Variants in RUFY3 observed in about 807,000 individuals in gnomAD.
RUFY3 encodes protein RUFY3.
In RUFY3, 34 loss-of-function variants were observed where a neutral mutation model predicts 84.0. That is an observed-to-expected ratio of 0.40 (90% CI 0.31 to 0.54). The LOEUF (loss-of-function observed/expected upper bound fraction) is 0.54. RUFY3 is among the 20% of genes least tolerant of loss of function. RUFY3 has a pLI of 0.39. For synonymous variants in RUFY3, 242 were observed against 252.9 expected (o/e 0.96, Z 0.41); for missense variants, 507 against 736.8 (o/e 0.69, Z 3.61).
intron 1 of RUFY3, among the ~76,000 whole-genome samples, chr4:70,758,278 A>C (rs1432892850): frequency 6.6e-6 from 1 of 152,188 alleles, no homozygotes; most frequent in Non-Finnish European, 1.5e-5. Flanking sequence ...AGTAATGTTG[A>C]ATAGAAAATA....
chr4:70,754,732 A>G (rs1177089994), intron 1 of RUFY3, among the ~76,000 whole-genome samples: 1 of 151,866 alleles, frequency 6.6e-6, no homozygotes, highest in African/African-American at 2.4e-5. Flanking sequence ...TTCTTTCACA[A>G]TCAAGGACTC....
intron 10 of RUFY3, among the ~76,000 whole-genome samples, chr4:70,785,388 T>C (rs77763245): frequency 0.021 from 3,146 of 151,968 alleles, 119 homozygotes; most frequent in East Asian, 0.16. Flanking sequence ...AGATAGAGAG[T>C]ATATCATCTC....
rs991806400 is a variant in RUFY3, at chr4:70,772,644, A to AT, written c.697-857dup. On this transcript the variant is annotated intron_variant, in intron 5 of 17. Transcript: ENST00000381006. ...AGGGAAGTAAGATTTTTTGGTGTGG[A>AT]TTTTTTTTTTATTTTTTTATTTTTA... 1.2e-3 allele frequency among the ~76,000 whole-genome samples: 173 copies of AT among 149,886 alleles called. 2 individuals carry two copies. The highest frequency in any genetic ancestry group is 4.9e-3 in the Admixed American group (74 of 15,028).
chr4:70,720,888 C>CGTGTGTGT (rs71210198), upstream of RUFY3, among the ~76,000 whole-genome samples: 270 of 138,554 alleles, frequency 1.9e-3, 3 homozygotes, highest in Middle Eastern at 3.8e-3. Context: ...AATATAGGGC[C>CGTGTGTGT]GTGTGTGTGT....
Position 70,778,447 on chromosome 4 carries a change from T to C in RUFY3, c.894+9T>C. 2.0e-6 allele frequency: 3 copies of C among 1,525,546 alleles called. No individual in the cohort carries two copies. Among genetic ancestry groups the C allele is most frequent in the Non-Finnish European group, 1.8e-6 (2 of 1,101,410 alleles). The allele number at this position is 1,525,546 out of a possible 1,614,324, so 94.5% of individuals were successfully genotyped here. On this transcript the variant is annotated intron_variant, in intron 8 of 17. Coordinates refer to ENST00000381006, the MANE Select transcript of RUFY3 (RefSeq NM_001037442.4). Reference sequence around the variant, plus strand: ...CTAAACTGACAGAGGAGGTAAGTTTTGGAAATGCTTTGATTGACTTATAGA... The same window carrying C: ...CTAAACTGACAGAGGAGGTAAGTTTCGGAAATGCTTTGATTGACTTATAGA...
intron 1 of RUFY3, among the ~76,000 whole-genome samples, chr4:70,744,463 C>T (rs968664695): frequency 1.3e-5 from 2 of 151,746 alleles, no homozygotes; most frequent in African/African-American, 4.8e-5. Context: ...AGCCTCCCAA[C>T]GCACTAGGAT....
chr4:70,712,872 A>G (rs1457872700), intron 1 of RUFY3, among the ~76,000 whole-genome samples: 1 of 152,224 alleles, frequency 6.6e-6, no homozygotes, highest in Non-Finnish European at 1.5e-5. Context: ...CACCTATTAC[A>G]TGTCTACTCA....
At chr4:70,772,351 A>G (rs1364715357) in intron 5 of RUFY3, among the ~76,000 whole-genome samples, 2 of 152,062 alleles carry the variant, frequency 1.3e-5, no homozygotes, top group African/African-American at 4.8e-5. Context: ...AACTGTACTA[A>G]AGGCCATTAA....
intron 1 of RUFY3, among the ~76,000 whole-genome samples, chr4:70,716,769 G>A (rs1040359996): frequency 1.3e-4 from 20 of 151,064 alleles, no homozygotes; most frequent in African/African-American, 4.1e-4. Flanking sequence ...GCTTGAACCT[G>A]GGAGGGGACA....
chr4:70,754,347 C>G (rs1166325689), intron 1 of RUFY3, among the ~76,000 whole-genome samples: 1 of 152,174 alleles, frequency 6.6e-6, no homozygotes, highest in African/African-American at 2.4e-5. Flanking sequence ...GCCACCAAGC[C>G]TGGCTGGTTA....
At chr4:70,785,844 A>G (rs1729702039) in intron 10 of RUFY3, among the ~76,000 whole-genome samples, 2 of 152,158 alleles carry the variant, frequency 1.3e-5, no homozygotes, top group Admixed American at 1.3e-4. Flanking sequence ...TCAAAAAATA[A>G]AAAATAAATT....
chr4:70,725,176 T>C (rs946667016), intron 1 of RUFY3, among the ~76,000 whole-genome samples: 2 of 151,086 alleles, frequency 1.3e-5, no homozygotes, highest in African/African-American at 4.9e-5. Context: ...AAAACCAGAG[T>C]TCCTGGCCCT....
chr4:70,774,453 C>CA lies in RUFY3; in HGVS notation c.759-702dup, dbSNP rs1276656505. On this transcript the variant is annotated intron_variant, in intron 6 of 17. Transcript: ENST00000381006. ...GTGAAACCCCATCTCTACAATAATA[C>CA]AAAAAAAAAAAAATAGCCAGGCATT... Among the ~76,000 whole-genome samples the CA allele has an allele frequency of 8.5e-3, 1,088 of 127,310 alleles. 5 individuals are homozygous for CA. Among genetic ancestry groups the CA allele is most frequent in the Middle Eastern group, 0.023 (6 of 258 alleles). The allele number at this position is 127,310 out of a possible 152,430, so 83.5% of individuals were successfully genotyped here. A position where few individuals can be genotyped will look rare whatever the true frequency, so the allele number is the denominator to read the frequency against.
At chr4:70,764,078 C>T (rs527989493) in intron 3 of RUFY3, among the ~76,000 whole-genome samples, 2 of 152,278 alleles carry the variant, frequency 1.3e-5, no homozygotes, top group South Asian at 4.1e-4. Flanking sequence ...AAAGTAGTGA[C>T]CACCTTCCCA....
intron 4 of RUFY3, among the ~76,000 whole-genome samples, chr4:70,765,748 T>G (rs1725787296): frequency 2.0e-5 from 3 of 151,604 alleles, no homozygotes; most frequent in South Asian, 4.2e-4. Context: ...ATTTTGTCAT[T>G]TGTTAATATC....
chr4:70,752,556 A>G (rs1208045086), intron 1 of RUFY3, among the ~76,000 whole-genome samples: 1 of 152,164 alleles, frequency 6.6e-6, no homozygotes, highest in Non-Finnish European at 1.5e-5. Flanking sequence ...AGTTTTTTGT[A>G]GATGCCCTTT....
chr4:70,768,336 C>T (rs1221692969), intron 4 of RUFY3, among the ~76,000 whole-genome samples: 1 of 152,130 alleles, frequency 6.6e-6, no homozygotes, highest in Admixed American at 6.5e-5. Flanking sequence ...TCCAGTGCCA[C>T]TTGCCAACAT....
intron 1 of RUFY3, among the ~76,000 whole-genome samples, chr4:70,737,336 A>C (rs1027465142): frequency 3.9e-5 from 6 of 152,078 alleles, no homozygotes; most frequent in African/African-American, 1.4e-4. Context: ...GATTGCTAGA[A>C]TTTGCTTTTT....
chr4:70,783,360 C>T (rs1284418777), intron 9 of RUFY3, among the ~76,000 whole-genome samples, 177 bp downstream of exon 9: 1 of 152,248 alleles, frequency 6.6e-6, no homozygotes, highest in Non-Finnish European at 1.5e-5. Context: ...CCTTTTTCTA[C>T]AAGATGCTTC....
Sources: allele counts gnomAD v4.1 joint callset (sites outside exome capture counted in the v4.1 genomes callset), GRCh38; gene constraint gnomAD v4.1.1; transcripts MANE v1.5; gene names NCBI Gene and HGNC (gene_info 2026-07-23, HGNC 2026-07-21).